PNKD: variants seen among roughly 807,000 people sequenced by gnomAD.
PNKD encodes the protein probable thioesterase PNKD.
A neutral mutation model predicts 45.3 loss-of-function variants in PNKD; 36 were observed. The observed-to-expected ratio is 0.80, with a 90% CI of 0.61 to 1.05. The LOEUF (loss-of-function observed/expected upper bound fraction) is 1.05. Ranked by LOEUF, PNKD falls within the 50% of genes least tolerant of loss-of-function variation. The pLI is 0.00. For synonymous variants in PNKD, 197 were observed against 210.1 expected (o/e 0.94, Z 0.54); for missense variants, 511 against 506.6 (o/e 1.01, Z -0.08).
At chr2:218,279,417 C>T in intron 2 of PNKD, 2 of 1,454,742 alleles carry the variant, frequency 1.4e-6, no homozygotes, top group South Asian at 2.8e-5. Context: ...AGGAAGCTGC[C>T]AGCCCCCAGT....
At chr2:218,343,610 C>G (rs1694744783) in intron 8 of PNKD, 24 bp downstream of exon 8, 1 of 1,563,700 alleles carries the variant, frequency 6.4e-7, no homozygotes, top group Admixed American at 1.8e-5. Context: ...TTACTACTCC[C>G]CATCCTCCAG....
At chr2:218,319,023 C>T (rs1327660770) in intron 2 of PNKD, among the ~76,000 whole-genome samples, 2 of 129,582 alleles carry the variant, frequency 1.5e-5, no homozygotes, top group African/African-American at 6.0e-5. Context: ...GGTATGATCT[C>T]GGTTCACTGT....
At chr2:218,292,603 C>T (rs1288155401) in intron 2 of PNKD, 1 of 151,946 alleles carries the variant, frequency 6.6e-6, no homozygotes, top group Non-Finnish European at 1.5e-5. Context: ...AGGGCGCCGC[C>T]AGGGGGCGCA....
intron 2 of PNKD, chr2:218,323,181 G>C: frequency 7.3e-7 from 1 of 1,378,652 alleles, no homozygotes; most frequent in Non-Finnish European, 9.3e-7. Flanking sequence ...TCCAGAGCCG[G>C]CAGGCAGGTT....
intron 2 of PNKD, among the ~76,000 whole-genome samples, chr2:218,302,133 A>G (rs936887958): frequency 4.6e-5 from 7 of 152,302 alleles, no homozygotes; most frequent in East Asian, 1.9e-4. Context: ...GCAGATCACC[A>G]GGTCAGGAGA....
Position 218,340,287 on chromosome 2 carries a change from T to G in PNKD, c.465+146T>G. On this transcript the variant is annotated intron_variant, in intron 4 of 9. Coordinates refer to ENST00000273077, the MANE Select transcript of PNKD (RefSeq NM_015488.5). This position sits in a 1 kb window ranked among gnomAD's most constrained non-coding sequence, Gnocchi z 4.2. Reference sequence around the variant, plus strand: ...GTTCACACGTGCACATGCGCACACATAGCCTGGGGAAGGGGGGTACAGGGC... The same window carrying G: ...GTTCACACGTGCACATGCGCACACAGAGCCTGGGGAAGGGGGGTACAGGGC... 1 of 648,612 alleles carries G rather than the reference T, an allele frequency of 1.5e-6. No homozygotes were observed. Among genetic ancestry groups the G allele is most frequent in the Non-Finnish European group, 2.8e-6 (1 of 357,370 alleles). 40.2% of individuals were successfully genotyped at this position (648,612 alleles called of 1,614,324 possible).
At chr2:218,341,848 G>A in intron 6 of PNKD, 133 bp from the exon 7 acceptor site, 1 of 820,104 alleles carries the variant, frequency 1.2e-6, no homozygotes, top group Non-Finnish European at 2.1e-6. Flanking sequence ...GAGACCCGAG[G>A]CACTGGGGTG....
rs1694797737 is a variant in PNKD, at chr2:218,345,139, T to C, written c.*158T>C. ...TCAGGGGAGGGGAGGGATCAGGCGATGAGACTGTGAGGCCAAAAGAAGGGG... is the reference window on the plus strand; with the variant it reads ...TCAGGGGAGGGGAGGGATCAGGCGACGAGACTGTGAGGCCAAAAGAAGGGG... On this transcript the variant is annotated 3_prime_UTR_variant, in exon 10 of 10. Transcript: ENST00000273077. 1.6e-6 allele frequency: 1 copy of C among 642,094 alleles called. No individual in the cohort carries two copies. Among genetic ancestry groups the C allele is most frequent in the Non-Finnish European group, 2.7e-6 (1 of 372,576 alleles). 39.8% of individuals were successfully genotyped at this position (642,094 alleles called of 1,614,324 possible).
chr2:218,298,113 C>T (rs4996257), intron 2 of PNKD, among the ~76,000 whole-genome samples: 80,714 of 151,890 alleles, frequency 0.53, 22,426 homozygotes, highest in South Asian at 0.64. Flanking sequence ...AGGCACATGG[C>T]GGATGTTGAT....
chr2:218,271,648 C>A, intron 2 of PNKD, 99 bp downstream of exon 2: 2 of 1,059,376 alleles, frequency 1.9e-6, no homozygotes, highest in Non-Finnish European at 2.8e-6. Context: ...GAGCTGAATC[C>A]AAAGTTGTGG....
rs200872585 is a variant in PNKD at position 218,340,727 on chromosome 2, G to A, written c.466-1G>A. 1 of 1,613,146 alleles carries A rather than the reference G, an allele frequency of 6.2e-7. No homozygotes were observed. The highest frequency in any genetic ancestry group is 8.5e-7 in the Non-Finnish European group (1 of 1,179,190). ...GTCTCCAAACCTCCTCTCTCTCGCA[G>A]GCTTCCATTGAAAAGGAAGGGGTCA... On this transcript the variant is annotated splice_acceptor_variant, in intron 4 of 9. Transcript: ENST00000273077. LOFTEE classifies it high-confidence loss of function. The surrounding 1 kb of genome is among the most constrained non-coding windows in gnomAD (Gnocchi z 4.2).
At chr2:218,296,523 G>A (rs1334686560) in intron 2 of PNKD, among the ~76,000 whole-genome samples, 3 of 152,142 alleles carry the variant, frequency 2.0e-5, no homozygotes, top group Non-Finnish European at 2.9e-5. Context: ...TTTCTCTGTT[G>A]CCACCCTCCA....
intron 2 of PNKD, chr2:218,323,084 T>A (rs1345123635): frequency 1.9e-6 from 2 of 1,036,058 alleles, no homozygotes; most frequent in Non-Finnish European, 2.5e-6. Context: ...CCGGGTGGCC[T>A]TCGGGGTGCT....
intron 8 of PNKD, among the ~76,000 whole-genome samples, chr2:218,343,977 CA>C (rs1366299762): frequency 6.6e-6 from 1 of 152,244 alleles, no homozygotes; most frequent in Non-Finnish European, 1.5e-5. Context: ...AAAACATTCA[CA>C]GATATCTGTT....
At chr2:218,277,404 C>T in intron 2 of PNKD, 1 of 1,614,140 alleles carries the variant, frequency 6.2e-7, no homozygotes. Flanking sequence ...GAAATGGATA[C>T]CACCGCAGTG....
At position 218,345,161 on chromosome 2, in the gene PNKD, G is replaced by C; in HGVS notation, c.*180G>C. On this transcript the variant is annotated 3_prime_UTR_variant, in exon 10 of 10. Coordinates refer to ENST00000273077, the MANE Select transcript of PNKD (RefSeq NM_015488.5). ...CGATGAGACTGTGAGGCCAAAAGAAGGGGGCCTGTTGGAGGCTGGGAACCC... is the reference window on the plus strand; with the variant it reads ...CGATGAGACTGTGAGGCCAAAAGAACGGGGCCTGTTGGAGGCTGGGAACCC... 1.6e-6 allele frequency: 1 copy of C among 612,202 alleles called. No individual in the cohort carries two copies. The highest frequency in any genetic ancestry group is 2.9e-6 in the Non-Finnish European group (1 of 349,416). The allele number at this position is 612,202 out of a possible 1,614,324, so 37.9% of individuals were successfully genotyped here. A position where few individuals can be genotyped will look rare whatever the true frequency, so the allele number is the denominator to read the frequency against.
intron 2 of PNKD, among the ~76,000 whole-genome samples, chr2:218,322,388 G>C (rs1574700084): frequency 6.6e-6 from 1 of 152,146 alleles, no homozygotes; most frequent in Non-Finnish European, 1.5e-5. Flanking sequence ...ACAACTTCTA[G>C]AATCCATCAG....
chr2:218,340,668 GC>G lies in PNKD; in HGVS notation c.466-59del, dbSNP rs2106293864. ...ACCAGCGCCCACACTCCTGGCTCTT[GC>G]TGCTTCAAGTGCCTCTTGCATCCTG... On this transcript the variant is annotated intron_variant, in intron 4 of 9. Transcript: ENST00000273077. The surrounding 1 kb of genome is among the most constrained non-coding windows in gnomAD (Gnocchi z 4.2). The G allele has an allele frequency of 7.8e-7, 1 of 1,274,982 alleles. No individual in the cohort carries two copies. The highest frequency in any genetic ancestry group is 1.7e-5 in the Admixed American group (1 of 59,584). The allele number at this position is 1,274,982 out of a possible 1,614,324, so 79.0% of individuals were successfully genotyped here.
chr2:218,297,517 C>T (rs904618971), intron 2 of PNKD, among the ~76,000 whole-genome samples: 10 of 151,844 alleles, frequency 6.6e-5, no homozygotes, highest in African/African-American at 2.4e-4. Flanking sequence ...AACCCCATCT[C>T]TACTAAAAAT....
Sources: allele counts gnomAD v4.1 joint callset (sites outside exome capture counted in the v4.1 genomes callset), GRCh38; gene constraint gnomAD v4.1.1; non-coding constraint Gnocchi (gnomAD v3.1); transcripts MANE v1.5; gene names NCBI Gene and HGNC (gene_info 2026-07-23, HGNC 2026-07-21).